The following INPP5A variants were observed in gnomAD, a reference collection of about 807,000 sequenced individuals.
INPP5A encodes 43 kDa inositol polyphosphate 5-phophatase.
INPP5A carries 14 observed loss-of-function variants against 65.2 expected under a neutral mutation model. That is an observed-to-expected ratio of 0.21 (90% confidence interval 0.14 to 0.34). The LOEUF (loss-of-function observed/expected upper bound fraction) is 0.34. Ranked by LOEUF, INPP5A falls within the 10% of genes least tolerant of loss-of-function variation. The probability of loss-of-function intolerance (pLI) is 1.00; values close to 1 mark genes in which losing one functional copy is unlikely to be tolerated. For missense variants in INPP5A, 431 were observed against 545.6 expected (o/e 0.79, Z 2.09); for synonymous variants, 207 against 208.3 (o/e 0.99, Z 0.05).
At chr10:132,738,578 G>A (rs942126422) in intron 9 of INPP5A, among the ~76,000 whole-genome samples, 2 of 152,256 alleles carry the variant, frequency 1.3e-5, no homozygotes, top group African/African-American at 4.8e-5. Context: ...CACAGCCTGA[G>A]AAAGAGACCC....
At chr10:132,613,513 T>G (rs1301374782) in intron 2 of INPP5A, among the ~76,000 whole-genome samples, 1 of 152,204 alleles carries the variant, frequency 6.6e-6, no homozygotes, top group Non-Finnish European at 1.5e-5. Flanking sequence ...AGTGTGTCAT[T>G]TTTCCTGGTT....
intron 4 of INPP5A, among the ~76,000 whole-genome samples, chr10:132,656,595 G>A (rs947490434): frequency 3.9e-5 from 6 of 152,282 alleles, no homozygotes; most frequent in Middle Eastern, 3.4e-3. Flanking sequence ...TGGCTGTGCG[G>A]GCTGCCCCAC....
chr10:132,726,497 G>A (rs1024816706), intron 8 of INPP5A, among the ~76,000 whole-genome samples: 5 of 152,168 alleles, frequency 3.3e-5, no homozygotes, highest in African/African-American at 4.8e-5. Flanking sequence ...GGGCAGCCGT[G>A]GTTTTCCATG....
chr10:132,692,666 A>G (rs1027146396), intron 5 of INPP5A, among the ~76,000 whole-genome samples: 4 of 152,256 alleles, frequency 2.6e-5, no homozygotes, highest in Admixed American at 2.6e-4. Context: ...CATTTAAAGC[A>G]TTATAAGAAG....
Position 132,749,823 on chromosome 10 carries a change from T to C in INPP5A, c.881T>C (p.Phe294Ser). The change falls in exon 11 of 16, where the codon TTC (phenylalanine) becomes TCC (serine). Residue 294 changes from phenylalanine to serine, a missense_variant. Transcript: ENST00000368594. ...TTCGACTACTTCAACCAGGAGGTTT[T>C]CCGAGACAACAACGGCACCGCGGTG... ...KLFDYFNQEVFRDNNGTALLE... is the reference protein window; with the variant it reads ...KLFDYFNQEVSRDNNGTALLE... 1 of 1,613,262 alleles carries C rather than the reference T, an allele frequency of 6.2e-7. No homozygotes were observed. Among genetic ancestry groups the C allele is most frequent in the Non-Finnish European group, 8.5e-7 (1 of 1,180,006 alleles).
At chr10:132,667,957 A>G (rs892541575) in intron 4 of INPP5A, among the ~76,000 whole-genome samples, 1 of 152,190 alleles carries the variant, frequency 6.6e-6, no homozygotes, top group African/African-American at 2.4e-5. Flanking sequence ...CCTCACCAAC[A>G]TTTATTTATC....
intron 2 of INPP5A, among the ~76,000 whole-genome samples, chr10:132,638,616 G>A (rs2072387161): frequency 6.6e-6 from 1 of 152,130 alleles, no homozygotes; most frequent in Admixed American, 6.5e-5. Context: ...CACCCAGGCT[G>A]GAGTGCAGTG....
intron 4 of INPP5A, among the ~76,000 whole-genome samples, chr10:132,655,889 G>A (rs1006806787): frequency 2.6e-5 from 4 of 152,266 alleles, no homozygotes; most frequent in Non-Finnish European, 4.4e-5. Flanking sequence ...GGCTGCAGGC[G>A]CCTGAGTGTA....
chr10:132,671,928 G>C (rs1202631014), intron 4 of INPP5A, among the ~76,000 whole-genome samples: 1 of 152,200 alleles, frequency 6.6e-6, no homozygotes, highest in Non-Finnish European at 1.5e-5. Context: ...GGAAAGGCCA[G>C]CTTCAGCCAG....
chr10:132,741,162 G>T lies in INPP5A; in HGVS notation c.733-8355G>T, dbSNP rs1418191760. On this transcript the variant is annotated intron_variant, in intron 9 of 15. Coordinates refer to ENST00000368594, the MANE Select transcript of INPP5A (RefSeq NM_005539.5). The surrounding 1 kb of genome is among the most constrained non-coding windows in gnomAD (Gnocchi z 4.4). ...GCGGGAGGATTGCTTGAGCCCGGAG[G>T]TCGAGGCTGCAGTGAGCCAGCCATG... 6.6e-6 allele frequency among the ~76,000 whole-genome samples: 1 copy of T among 152,192 alleles called. No individual in the cohort carries two copies. The highest frequency in any genetic ancestry group is 2.4e-5 in the African/African-American group (1 of 41,444).
At chr10:132,742,056 C>G (rs1846282308) in intron 9 of INPP5A, among the ~76,000 whole-genome samples, 1 of 152,218 alleles carries the variant, frequency 6.6e-6, no homozygotes, top group African/African-American at 2.4e-5. Context: ...CCAATCAGCA[C>G]CGGGTCCTAC....
chr10:132,595,521 G>A (rs185718226), intron 1 of INPP5A, among the ~76,000 whole-genome samples: 7 of 152,110 alleles, frequency 4.6e-5, no homozygotes, highest in Admixed American at 1.3e-4. Flanking sequence ...CCCACATTGC[G>A]GTGTTTGTTG....
chr10:132,590,895 G>C (rs1232479658), intron 1 of INPP5A, among the ~76,000 whole-genome samples: 2 of 152,196 alleles, frequency 1.3e-5, no homozygotes, highest in African/African-American at 4.8e-5. Context: ...TTAGGTAGTT[G>C]GTTGCTCCAT....
intron 1 of INPP5A, among the ~76,000 whole-genome samples, chr10:132,577,072 A>G (rs960366493): frequency 1.3e-5 from 2 of 152,124 alleles, no homozygotes; most frequent in African/African-American, 4.8e-5. Context: ...AGGTGGCAGG[A>G]CTGTGGGGAA....
chr10:132,707,823 G>A lies in INPP5A; in HGVS notation c.475-490G>A, dbSNP rs977800667. On this transcript the variant is annotated intron_variant, in intron 6 of 15. Transcript: ENST00000368594. This position sits in a 1 kb window ranked among gnomAD's most constrained non-coding sequence, Gnocchi z 5.5. ...GAGGCATCGGTGGGTGAACGGCATCGGTGGGTGAGAGGCATCGGTGGGTGG... is the reference window on the plus strand; with the variant it reads ...GAGGCATCGGTGGGTGAACGGCATCAGTGGGTGAGAGGCATCGGTGGGTGG... 3.9e-5 allele frequency among the ~76,000 whole-genome samples: 6 copies of A among 151,978 alleles called. No individual in the cohort carries two copies. The East Asian group carries it at 7.7e-4, about 20-fold the overall frequency.
intron 2 of INPP5A, among the ~76,000 whole-genome samples, chr10:132,610,290 T>C (rs1042853308): frequency 6.6e-6 from 1 of 151,346 alleles, no homozygotes; most frequent in Non-Finnish European, 1.5e-5. Flanking sequence ...GGCAATTGTT[T>C]CCCTGTGTGC....
intron 2 of INPP5A, among the ~76,000 whole-genome samples, chr10:132,645,584 A>C (rs2072483157): frequency 6.6e-6 from 1 of 152,184 alleles, no homozygotes; most frequent in South Asian, 2.1e-4. Flanking sequence ...TTTAACTAGA[A>C]ATAAGGCCTC....
chr10:132,561,025 G>A (rs886658128), intron 1 of INPP5A, among the ~76,000 whole-genome samples: 8 of 147,452 alleles, frequency 5.4e-5, no homozygotes, highest in Non-Finnish European at 1.0e-4. Context: ...TGTTGTCTTC[G>A]CTTTTTTGAT....
rs143120775 is a variant in INPP5A at position 132,547,166 on chromosome 10, G to A, written c.75+8995G>A. On this transcript the variant is annotated intron_variant, in intron 1 of 15. Transcript: ENST00000368594. This position sits in a 1 kb window ranked among gnomAD's most constrained non-coding sequence, Gnocchi z 5.5. ...AGGCCCCACCTCTCCTCGCATGTGC[G>A]GCCTTGGGCTGTGTTTCACCTGTCA... 6.6e-6 allele frequency among the ~76,000 whole-genome samples: 1 copy of A among 152,370 alleles called. No individual in the cohort carries two copies. Among genetic ancestry groups the A allele is most frequent in the African/African-American group, 2.4e-5 (1 of 41,586 alleles).
Sources: allele counts gnomAD v4.1 joint callset (sites outside exome capture counted in the v4.1 genomes callset), GRCh38; gene constraint gnomAD v4.1.1; non-coding constraint Gnocchi (gnomAD v3.1); transcripts MANE v1.5; gene names NCBI Gene and HGNC (gene_info 2026-07-23, HGNC 2026-07-21).